The following MTRF1 variants were observed in gnomAD, a reference collection of about 807,000 sequenced individuals.
MTRF1 encodes peptide chain release factor 1, mitochondrial.
Under a neutral mutation model 62.9 loss-of-function variants are expected in MTRF1, and 51 were observed. That is an observed-to-expected ratio of 0.81 (90% CI 0.65 to 1.02). The LOEUF (loss-of-function observed/expected upper bound fraction) is 1.02, where lower values mean the gene tolerates loss of function less well. Ranked by LOEUF, MTRF1 falls within the 50% of genes least tolerant of loss-of-function variation. The probability of loss-of-function intolerance (pLI) is 0.00; values close to 1 mark genes in which losing one functional copy is unlikely to be tolerated. For synonymous variants in MTRF1, 158 were observed against 181.9 expected, an observed-to-expected ratio of 0.87 and a Z score of 1.06; for missense variants, 446 against 530.0, an observed-to-expected ratio of 0.84 and a Z score of 1.56.
intron 8 of MTRF1, 146 bp downstream of exon 8, chr13:41,226,286 G>A (rs1452557331): frequency 1.2e-5 from 10 of 815,298 alleles, no homozygotes; most frequent in Admixed American, 3.1e-5. Context: ...CAGTTCATTT[G>A]TACTGAGTTA....
At chr13:41,233,750 T>C in intron 7 of MTRF1, 140 bp downstream of exon 7, 1 of 691,712 alleles carries the variant, frequency 1.4e-6, no homozygotes, top group Non-Finnish European at 2.5e-6. Context: ...ATGAACACAA[T>C]AGCCATCCTG....
At chr13:41,231,602 G>C (rs1223930928) in intron 7 of MTRF1, among the ~76,000 whole-genome samples, 2 of 152,150 alleles carry the variant, frequency 1.3e-5, no homozygotes, top group African/African-American at 4.8e-5. Context: ...ACATCTGGGG[G>C]TCCCTAATAA....
rs115052327 is a variant in MTRF1, at chr13:41,244,738, T to G, written c.698-4305A>C. Among the ~76,000 whole-genome samples, 706 of 152,272 alleles carry G rather than the reference T, an allele frequency of 4.6e-3. 6 individuals are homozygous for G. Among genetic ancestry groups the G allele is most frequent in the African/African-American group, 0.016 (650 of 41,550 alleles). On this transcript the variant is annotated intron_variant, in intron 5 of 9. Transcript: ENST00000379480. Reference sequence around the variant, plus strand: ...CTCGTGGTGAAAAGCTGGTATCTGCTTACAACTACATGAGTGAGCTTGCAA... The same window carrying G: ...CTCGTGGTGAAAAGCTGGTATCTGCGTACAACTACATGAGTGAGCTTGCAA...
intron 6 of MTRF1, among the ~76,000 whole-genome samples, chr13:41,237,355 ATAAT>A (rs1685531370): frequency 6.6e-6 from 1 of 152,044 alleles, no homozygotes; most frequent in Admixed American, 6.6e-5. Context: ...ATATAAAAAT[ATAAT>A]TAAGTAAAAG....
At chr13:41,252,613 T>A in intron 5 of MTRF1, 32 bp downstream of exon 5, 1 of 1,516,486 alleles carries the variant, frequency 6.6e-7, no homozygotes, top group South Asian at 1.1e-5. Context: ...ATTTTCAGTA[T>A]CTCCTACAGG....
At chr13:41,284,543 CA>C in the MTRF1 span, among the ~76,000 whole-genome samples, 1,232 of 70,474 alleles carry the variant, frequency 0.017, 1 homozygote, top group Non-Finnish European at 0.023. Context: ...GACCGTGTCT[CA>C]AAAAAAAAAA....
At chr13:41,271,466 C>T in the MTRF1 span, among the ~76,000 whole-genome samples, 1 of 152,094 alleles carries the variant, frequency 6.6e-6, no homozygotes, top group Admixed American at 6.5e-5. Flanking sequence ...GAGCTGTGGC[C>T]TAGGGTTTTT....
At chr13:41,278,928 C>T in the MTRF1 span, among the ~76,000 whole-genome samples, 4 of 152,066 alleles carry the variant, frequency 2.6e-5, no homozygotes, top group African/African-American at 9.7e-5. Flanking sequence ...CCTTGTTATA[C>T]CCTCCTTCCC....
At position 41,226,376 on chromosome 13, in the gene MTRF1, C is replaced by A. The variant is rs2034432860; in HGVS notation, c.1125+56G>T. 7 of 1,534,754 alleles carry A rather than the reference C, an allele frequency of 4.6e-6. No homozygotes were observed. The Middle Eastern group carries it at 7.1e-4, about 156-fold the overall frequency. On this transcript the variant is annotated intron_variant, in intron 8 of 9. Transcript: ENST00000379480. Reference sequence around the variant, plus strand: ...GCAAGAACAAACACTGCATTCTCTACAGAAAATGACTTTTCTTTAAACAGT... The same window carrying A: ...GCAAGAACAAACACTGCATTCTCTAAAGAAAATGACTTTTCTTTAAACAGT...
chr13:41,273,565 T>A, the MTRF1 span, among the ~76,000 whole-genome samples: 1 of 152,114 alleles, frequency 6.6e-6, no homozygotes, highest in Non-Finnish European at 1.5e-5. Context: ...TCAACTTATG[T>A]AAGATGAGCT....
At position 41,239,101 on chromosome 13, in the gene MTRF1, T is replaced by TA. The variant is rs911014745; in HGVS notation, c.870+1159dup. On this transcript the variant is annotated intron_variant, in intron 6 of 9. Coordinates refer to ENST00000379480, the MANE Select transcript of MTRF1 (RefSeq NM_004294.4). ...GTGTGAAACTTGACAGGATCCTGGA[T>TA]AAAAAAAAAAAATCACTATACCCAG... Among the ~76,000 whole-genome samples, 440 of 142,784 alleles carry TA rather than the reference T, an allele frequency of 3.1e-3. 3 individuals carry two copies. Among genetic ancestry groups the TA allele is most frequent in the African/African-American group, 8.0e-3 (311 of 39,114 alleles). 93.7% of individuals were successfully genotyped at this position (142,784 alleles called of 152,430 possible). A position where few individuals can be genotyped will look rare whatever the true frequency, so the allele number is the denominator to read the frequency against.
In MTRF1 at chr13:41,223,280, T is replaced by C. The variant is rs776459749; in HGVS notation, c.1200A>G (p.Ile400Met). 3.1e-6 allele frequency: 5 copies of C among 1,613,854 alleles called. No homozygotes were observed. Among genetic ancestry groups the C allele is most frequent in the Non-Finnish European group, 4.2e-6 (5 of 1,179,826 alleles). ...FTQDRVSDHRIAYEVRDIKEF... is the reference protein window; with the variant it reads ...FTQDRVSDHRMAYEVRDIKEF... ...CCTTAATATCACGAACTTCATATGC[T>C]ATCCTGTGGTCACTGACTCTATCCT... The change falls in exon 9 of 10, where the codon ATA (isoleucine) becomes ATG (methionine). Residue 400 changes from isoleucine to methionine, a missense_variant. Ile to Met is a conservative substitution (Grantham distance 10). Transcript: ENST00000379480.
At chr13:41,221,289 T>C (rs1034376445) in intron 9 of MTRF1, among the ~76,000 whole-genome samples, 2 of 152,002 alleles carry the variant, frequency 1.3e-5, no homozygotes, top group African/African-American at 4.8e-5. Flanking sequence ...CCCCAGTAGC[T>C]GGGACTACAG....
At chr13:41,266,996 C>T (rs1387440317), upstream of MTRF1, among the ~76,000 whole-genome samples, 1 of 81,216 alleles carries the variant, frequency 1.2e-5, no homozygotes, top group Non-Finnish European at 2.4e-5. Context: ...GACTCTGTCT[C>T]AAAAAAAAAA....
chr13:41,266,592 G>C (rs186194326), upstream of MTRF1, among the ~76,000 whole-genome samples: 6 of 152,306 alleles, frequency 3.9e-5, no homozygotes, highest in East Asian at 1.2e-3. Flanking sequence ...CTGGGTGACA[G>C]AGCAACATGC....
the MTRF1 span, among the ~76,000 whole-genome samples, chr13:41,297,408 C>A: frequency 1.3e-5 from 2 of 152,114 alleles, no homozygotes; most frequent in Non-Finnish European, 2.9e-5. Flanking sequence ...AAGTAACAAC[C>A]ACTCACTGCA....
chr13:41,241,407 G>T (rs2037481451), intron 5 of MTRF1, among the ~76,000 whole-genome samples: 1 of 152,036 alleles, frequency 6.6e-6, no homozygotes, highest in Non-Finnish European at 1.5e-5. Context: ...ATGAAAGACA[G>T]AAAAACACAC....
At chr13:41,238,494 G>C (rs1465491736) in intron 6 of MTRF1, among the ~76,000 whole-genome samples, 2 of 152,138 alleles carry the variant, frequency 1.3e-5, no homozygotes, top group African/African-American at 2.4e-5. Context: ...GAGGTGAGAA[G>C]GTAGTAGGGA....
At chr13:41,227,074 A>G (rs1013228613) in intron 7 of MTRF1, among the ~76,000 whole-genome samples, 2 of 152,046 alleles carry the variant, frequency 1.3e-5, no homozygotes, top group East Asian at 3.9e-4. Context: ...GTGGATCACA[A>G]GGTCAGGAGA....
Sources: gnomAD v4.1 joint callset for allele counts (sites outside exome capture counted in the v4.1 genomes callset) on GRCh38, gnomAD v4.1.1 for gene constraint, MANE v1.5 for transcripts, NCBI Gene and HGNC (gene_info 2026-07-23, HGNC 2026-07-21) for gene names.